CCDC185: variants seen among roughly 807,000 people sequenced by gnomAD.
CCDC185 encodes coiled-coil domain-containing protein 185.
For missense variants in CCDC185, 982 were observed against 825.3 expected, an observed-to-expected ratio of 1.19 and a Z score of -2.33; for synonymous variants, 381 against 348.1, an observed-to-expected ratio of 1.09 and a Z score of -1.05.
chr1:223,393,882 C>A lies in CCDC185; in HGVS notation c.407C>A (p.Pro136Gln). The A allele has an allele frequency of 6.2e-7, 1 of 1,609,308 alleles. No individual in the cohort carries two copies. Among genetic ancestry groups the A allele is most frequent in the Non-Finnish European group, 8.5e-7 (1 of 1,178,472 alleles). ...QLPPQRPQPC[P>Q]HYPLAQGDSP... is the part of the protein sequence containing the mutation. ...CCACCCCAGCGGCCGCAGCCCTGCC[C>A]GCATTACCCTCTGGCCCAGGGAGAC... The change falls in exon 1 of 1, where the codon CCG becomes CAG. Residue 136 changes from proline to glutamine, a missense_variant. Transcript: ENST00000366875. This position sits in a 1 kb window ranked among gnomAD's most constrained non-coding sequence, Gnocchi z 4.8.
chr1:223,393,784 C>A lies in CCDC185; in HGVS notation c.309C>A (p.Ser103Arg). 2 of 1,571,298 alleles carry A rather than the reference C, an allele frequency of 1.3e-6. No homozygotes were observed. Among genetic ancestry groups the A allele is most frequent in the East Asian group, 2.4e-5 (1 of 42,486 alleles). ...GTTCCAGGAAGCACCGGCCCCGCAG[C>A]AGGCGCCTGGAAGATGCCTGGGGAG... ...LERSRKHRPR[S>R]RRLEDAWGET... Residue 103 changes from serine (S) to arginine (R), a missense_variant, in exon 1 of 1, where the codon AGC becomes AGA. Physicochemically the swap from Ser to Arg is moderately radical, Grantham distance 110. Transcript: ENST00000366875. The surrounding 1 kb of genome is among the most constrained non-coding windows in gnomAD (Gnocchi z 4.8).
rs1370301856 is a variant in CCDC185, at chr1:223,393,619, T to C, written c.144T>C (p.Thr48=). Residue 48 remains threonine, a synonymous_variant, in exon 1 of 1, where the codon ACT becomes ACC. Transcript: ENST00000366875. The surrounding 1 kb of genome is among the most constrained non-coding windows in gnomAD (Gnocchi z 4.8). ...ADSTACSRAG[T]PGAESEAGAC... is the part of the protein sequence containing the mutation. ...CCACCGCGTGCTCCCGGGCCGGGAC[T>C]CCGGGTGCGGAGAGCGAAGCTGGGG... 2.0e-6 allele frequency: 3 copies of C among 1,525,598 alleles called. No individual in the cohort carries two copies. Among genetic ancestry groups the C allele is most frequent in the African/African-American group, 1.4e-5 (1 of 71,086 alleles). The allele number at this position is 1,525,598 out of a possible 1,614,324, so 94.5% of individuals were successfully genotyped here. A position where few individuals can be genotyped will look rare whatever the true frequency, so the allele number is the denominator to read the frequency against.
Position 223,393,465 on chromosome 1 carries a change from C to CA in CCDC185, c.-10dup, listed in dbSNP as rs1435028459. The CA allele has an allele frequency of 6.9e-7, 1 of 1,455,028 alleles. No homozygotes were observed. Among genetic ancestry groups the CA allele is most frequent in the South Asian group, 1.4e-5 (1 of 69,830 alleles). The allele number at this position is 1,455,028 out of a possible 1,614,324, so 90.1% of individuals were successfully genotyped here. A position where few individuals can be genotyped will look rare whatever the true frequency, so the allele number is the denominator to read the frequency against. ...CCCTTGGGCAGACGCTGCGCGTGCC[C>CA]AGAGGGAGGGATGGCAGGCTTCAGC... On this transcript the variant is annotated 5_prime_UTR_variant, in exon 1 of 1. Coordinates refer to ENST00000366875, the MANE Select transcript of CCDC185 (RefSeq NM_152610.3). This position sits in a 1 kb window ranked among gnomAD's most constrained non-coding sequence, Gnocchi z 4.8.
Position 223,393,868 on chromosome 1 carries a change from GCCGCAGCCCTGC to G in CCDC185, c.399_410del (p.Gln133_Pro136del), listed in dbSNP as rs1195178294. ...CGCAGACCCAGCTGCCACCCCAGCG[GCCGCAGCCCTGC>G]CCGCATTACCCTCTGGCCCAGGGAG... On this transcript the variant is annotated inframe_deletion, in exon 1 of 1. Transcript: ENST00000366875. The surrounding 1 kb of genome is among the most constrained non-coding windows in gnomAD (Gnocchi z 4.8). The G allele has an allele frequency of 1.9e-6, 3 of 1,605,974 alleles. No homozygotes were observed. The highest frequency in any genetic ancestry group is 2.5e-6 in the Non-Finnish European group (3 of 1,176,962).
Position 223,393,594 on chromosome 1 carries a change from C to G in CCDC185, c.119C>G (p.Ser40Cys), listed in dbSNP as rs781764274. The change falls in exon 1 of 1, where the codon TCC becomes TGC. Residue 40 changes from serine to cysteine, a missense_variant. Ser to Cys is a moderately radical substitution (Grantham distance 112). Coordinates refer to ENST00000366875, the MANE Select transcript of CCDC185 (RefSeq NM_152610.3). The surrounding 1 kb of genome is among the most constrained non-coding windows in gnomAD (Gnocchi z 4.8). Reference sequence around the variant, plus strand: ...GGCGGGCAGAGGTCCGGAGCCGACTCCACCGCGTGCTCCCGGGCCGGGACT... The same window carrying G: ...GGCGGGCAGAGGTCCGGAGCCGACTGCACCGCGTGCTCCCGGGCCGGGACT... ...RLGGQRSGADSTACSRAGTPG... is the reference protein window; with the variant it reads ...RLGGQRSGADCTACSRAGTPG... 1 of 1,529,958 alleles carries G rather than the reference C, an allele frequency of 6.5e-7. No individual in the cohort carries two copies. Among genetic ancestry groups the G allele is most frequent in the East Asian group, 2.4e-5 (1 of 42,244 alleles). 94.8% of individuals were successfully genotyped at this position (1,529,958 alleles called of 1,614,324 possible). A position where few individuals can be genotyped will look rare whatever the true frequency, so the allele number is the denominator to read the frequency against.
At position 223,395,230 on chromosome 1, in the gene CCDC185, G is replaced by C; in HGVS notation, c.1755G>C (p.Glu585Asp). ...AAGGGAAAGACCCAAACTTCCAGGAGTTCCAGAAGCTCCCTCAGGCCTCCA... is the reference window on the plus strand; with the variant it reads ...AAGGGAAAGACCCAAACTTCCAGGACTTCCAGAAGCTCCCTCAGGCCTCCA... The part of the protein sequence containing the change: ...ISQGKDPNFQ[E>D]FQKLPQASRR... Residue 585 changes from glutamate (E) to aspartate (D), a missense_variant, in exon 1 of 1, where the codon GAG (glutamate) becomes GAC (aspartate). By Grantham distance (45) the Glu-to-Asp change is conservative. Transcript: ENST00000366875. The C allele has an allele frequency of 6.2e-7, 1 of 1,610,842 alleles. No homozygotes were observed. The highest frequency in any genetic ancestry group is 8.5e-7 in the Non-Finnish European group (1 of 1,178,916).
At position 223,395,249 on chromosome 1, in the gene CCDC185, G is replaced by A. The variant is rs771725559; in HGVS notation, c.1774G>A (p.Ala592Thr). Reference sequence around the variant, plus strand: ...CCAGGAGTTCCAGAAGCTCCCTCAGGCCTCCAGGAGAGAGGAGAGAGCGCC... The same window carrying A: ...CCAGGAGTTCCAGAAGCTCCCTCAGACCTCCAGGAGAGAGGAGAGAGCGCC... ...NFQEFQKLPQ[A>T]SRREERAPPN... The change falls in exon 1 of 1, where the codon GCC becomes ACC. Residue 592 changes from alanine (A) to threonine (T), a missense_variant. Coordinates refer to ENST00000366875, the MANE Select transcript of CCDC185 (RefSeq NM_152610.3). The A allele has an allele frequency of 6.2e-7, 1 of 1,602,594 alleles. No individual in the cohort carries two copies. Among genetic ancestry groups the A allele is most frequent in the South Asian group, 1.1e-5 (1 of 88,576 alleles).
rs752878817 is a variant in CCDC185, at chr1:223,393,722, C to G, written c.247C>G (p.Arg83Gly). 2 of 1,569,956 alleles carry G rather than the reference C, an allele frequency of 1.3e-6. No homozygotes were observed. The highest frequency in any genetic ancestry group is 2.7e-5 in the African/African-American group (2 of 73,856). Residue 83 changes from arginine to glycine, a missense_variant, in exon 1 of 1, where the codon CGA becomes GGA. By Grantham distance (125) the Arg-to-Gly change is moderately radical. Coordinates refer to ENST00000366875, the MANE Select transcript of CCDC185 (RefSeq NM_152610.3). This position sits in a 1 kb window ranked among gnomAD's most constrained non-coding sequence, Gnocchi z 4.8. ...GTGCTCAGATTCACTGCGGGGCAGCCGAAGCCTGAGCGATGTGGCCCGCAG... is the reference window on the plus strand; with the variant it reads ...GTGCTCAGATTCACTGCGGGGCAGCGGAAGCCTGAGCGATGTGGCCCGCAG... ...RGCSDSLRGS[R>G]SLSDVARRPL...
chr1:223,394,506 G>A lies in CCDC185; in HGVS notation c.1031G>A (p.Ser344Asn). 1 of 1,588,666 alleles carries A rather than the reference G, an allele frequency of 6.3e-7. No homozygotes were observed. Among genetic ancestry groups the A allele is most frequent in the South Asian group, 1.1e-5 (1 of 88,096 alleles). The change falls in exon 1 of 1, where the codon AGC becomes AAC. Residue 344 changes from serine (S) to asparagine (N), a missense_variant. Coordinates refer to ENST00000366875, the MANE Select transcript of CCDC185 (RefSeq NM_152610.3). ...AGGAAGAACGTGCCCCCGGGGGAAA[G>A]CCGGTGGAAGGAGCAACCAGAGGAC... is the stretch of plus-strand genomic sequence containing the variant. ...SQRKNVPPGE[S>N]RWKEQPEDQE...
At position 223,393,583 on chromosome 1, in the gene CCDC185, C is replaced by A. The variant is rs1408164176; in HGVS notation, c.108C>A (p.Ser36=). 1.3e-6 allele frequency: 2 copies of A among 1,535,854 alleles called. No individual in the cohort carries two copies. Among genetic ancestry groups the A allele is most frequent in the Non-Finnish European group, 1.7e-6 (2 of 1,145,208 alleles). Residue 36 remains serine (S), a synonymous_variant, in exon 1 of 1, where the codon TCC becomes TCA. Coordinates refer to ENST00000366875, the MANE Select transcript of CCDC185 (RefSeq NM_152610.3). The surrounding 1 kb of genome is among the most constrained non-coding windows in gnomAD (Gnocchi z 4.8). ...ESTQRLGGQR[S]GADSTACSRA... ...CGCAGCGGCTGGGCGGGCAGAGGTC[C>A]GGAGCCGACTCCACCGCGTGCTCCC...
the CCDC185 span, chr1:223,395,204 C>T: frequency 3.7e-6 from 6 of 1,613,174 alleles, no homozygotes; most frequent in Non-Finnish European, 5.1e-6. Flanking sequence ...GCACATTTCC[C>T]AAGGGAAAGA....
At chr1:223,394,598 C>T in the CCDC185 span, 3 of 1,611,618 alleles carry the variant, frequency 1.9e-6, no homozygotes, top group Non-Finnish European at 2.5e-6. Flanking sequence ...AAAACAGTGC[C>T]AGGTGCGGCG....
In CCDC185 at chr1:223,395,333, A is replaced by T. The variant is rs1276888536; in HGVS notation, c.1858A>T (p.Asn620Tyr). The T allele has an allele frequency of 1.3e-6, 2 of 1,516,830 alleles. No homozygotes were observed. Among genetic ancestry groups the T allele is most frequent in the Non-Finnish European group, 1.8e-6 (2 of 1,135,654 alleles). 94.0% of individuals were successfully genotyped at this position (1,516,830 alleles called of 1,614,324 possible). Residue 620 changes from asparagine to tyrosine, a missense_variant, in exon 1 of 1, where the codon AAC (asparagine) becomes TAC (tyrosine). Transcript: ENST00000366875. ...GGCCCAGCTCCGTGCCTGTCAGCAG[A>T]ACAGGGGTTACTGAGAACCAAGGAC... ...LEAQLRACQQ[N>Y]RGY
rs1363091546 is a variant in CCDC185, at chr1:223,393,440, C to T, written c.-36C>T. ...GCAGCGTCCTCGGGAGGTCTCAGGC[C>T]CCTTGGGCAGACGCTGCGCGTGCCC... On this transcript the variant is annotated 5_prime_UTR_variant, in exon 1 of 1. Coordinates refer to ENST00000366875, the MANE Select transcript of CCDC185 (RefSeq NM_152610.3). This position sits in a 1 kb window ranked among gnomAD's most constrained non-coding sequence, Gnocchi z 4.8. The T allele has an allele frequency of 6.3e-6, 9 of 1,429,874 alleles. No individual in the cohort carries two copies. Among genetic ancestry groups the T allele is most frequent in the Non-Finnish European group, 8.2e-6 (9 of 1,092,524 alleles). 88.6% of individuals were successfully genotyped at this position (1,429,874 alleles called of 1,614,324 possible). A position where few individuals can be genotyped will look rare whatever the true frequency, so the allele number is the denominator to read the frequency against.
At position 223,394,601 on chromosome 1, in the gene CCDC185, G is replaced by T. The variant is rs765413688; in HGVS notation, c.1126G>T (p.Val376Leu). The change falls in exon 1 of 1, where the codon GTG becomes TTG. Residue 376 changes from valine (V) to leucine (L), a missense_variant. Physicochemically the swap from Val to Leu is conservative, Grantham distance 32. Transcript: ENST00000366875. The stretch of plus-strand genomic sequence containing the variant: ...GGCAGAGCACCGAAAACAGTGCCAG[G>T]TGCGGCGCCTGCGGGAGCAGGAGAA... ...AQAEHRKQCQ[V>L]RRLREQEKML... 10 of 1,611,984 alleles carry T rather than the reference G, an allele frequency of 6.2e-6. No individual in the cohort carries two copies. The highest frequency in any genetic ancestry group is 1.7e-5 in the Admixed American group (1 of 59,830).
rs1669645346 is a variant in CCDC185, at chr1:223,395,077, G to C, written c.1602G>C (p.Glu534Asp). The change falls in exon 1 of 1, where the codon GAG (glutamate) becomes GAC (aspartate). Residue 534 changes from glutamate to aspartate, a missense_variant. Glu to Asp is a conservative substitution (Grantham distance 45). Coordinates refer to ENST00000366875, the MANE Select transcript of CCDC185 (RefSeq NM_152610.3). ...GGGACAAGGTGCAGCACCTCCGGGA[G>C]CTCAACCACCTGAGGGAGAAAAACC... ...TTRDKVQHLRELNHLREKNHH... is the reference protein window; with the variant it reads ...TTRDKVQHLRDLNHLREKNHH... 6.2e-7 allele frequency: 1 copy of C among 1,614,088 alleles called. No individual in the cohort carries two copies. Among genetic ancestry groups the C allele is most frequent in the African/African-American group, 1.3e-5 (1 of 74,928 alleles).
chr1:223,393,752 C>G lies in CCDC185; in HGVS notation c.277C>G (p.Leu93Val). 1 of 1,565,346 alleles carries G rather than the reference C, an allele frequency of 6.4e-7. No individual in the cohort carries two copies. The highest frequency in any genetic ancestry group is 8.6e-7 in the Non-Finnish European group (1 of 1,157,652). ...RSLSDVARRP[L>V]ERSRKHRPRS... ...CCTGAGCGATGTGGCCCGCAGGCCC[C>G]TGGAACGTTCCAGGAAGCACCGGCC... The change falls in exon 1 of 1, where the codon CTG becomes GTG. Residue 93 changes from leucine to valine, a missense_variant. Leu to Val is a conservative substitution (Grantham distance 32, BLOSUM62 1). Transcript: ENST00000366875. The surrounding 1 kb of genome is among the most constrained non-coding windows in gnomAD (Gnocchi z 4.8).
At position 223,393,985 on chromosome 1, in the gene CCDC185, C is replaced by T; in HGVS notation, c.510C>T (p.Asp170=). ...GGGTAGAAAAGGCACAGGGTGGAGA[C>T]CAGTGGGCAGTGCCACTCGGCAGAC... ...TFRVEKAQGG[D]QWAVPLGRHL... The change falls in exon 1 of 1, where the codon GAC becomes GAT. Residue 170 remains aspartate, a synonymous_variant. Coordinates refer to ENST00000366875, the MANE Select transcript of CCDC185 (RefSeq NM_152610.3). The surrounding 1 kb of genome is among the most constrained non-coding windows in gnomAD (Gnocchi z 4.8). 6.2e-7 allele frequency: 1 copy of T among 1,614,096 alleles called. No individual in the cohort carries two copies. Among genetic ancestry groups the T allele is most frequent in the Non-Finnish European group, 8.5e-7 (1 of 1,180,030 alleles).
Position 223,395,431 on chromosome 1 carries a change from C to A in CCDC185, c.*84C>A. 7.7e-7 allele frequency: 1 copy of A among 1,296,422 alleles called. No individual in the cohort carries two copies. The highest frequency in any genetic ancestry group is 1.5e-5 in the African/African-American group (1 of 66,432). 80.3% of individuals were successfully genotyped at this position (1,296,422 alleles called of 1,614,324 possible). A position where few individuals can be genotyped will look rare whatever the true frequency, so the allele number is the denominator to read the frequency against. ...CTTTTGTAATCTGATTATAATTGAA[C>A]ATTGATTTTAAAAAAGCATGTAAAA... On this transcript the variant is annotated 3_prime_UTR_variant, in exon 1 of 1. Coordinates refer to ENST00000366875, the MANE Select transcript of CCDC185 (RefSeq NM_152610.3).
Sources: gnomAD v4.1 joint callset for allele counts on GRCh38, gnomAD v4.1.1 for gene constraint, Gnocchi (gnomAD v3.1) non-coding constraint, MANE v1.5 for transcripts, NCBI Gene and HGNC (gene_info 2026-07-23, HGNC 2026-07-21) for gene names.